Variants in NDC1 observed in about 807,000 individuals in gnomAD.
NDC1 encodes the protein nucleoporin NDC1.
A neutral mutation model predicts 89.8 loss-of-function variants in NDC1; 24 were observed. That is an observed-to-expected ratio of 0.27 (90% confidence interval 0.19 to 0.38). The LOEUF is 0.38. NDC1 is among the 10% of genes least tolerant of loss of function. The probability of loss-of-function intolerance (pLI) is 1.00; values close to 1 mark genes in which losing one functional copy is unlikely to be tolerated. For missense variants in NDC1, 728 were observed against 797.6 expected, an observed-to-expected ratio of 0.91 and a Z score of 1.05; for synonymous variants, 296 against 284.8, an observed-to-expected ratio of 1.04 and a Z score of -0.39.
intron 1 of NDC1, 118 bp downstream of exon 1, chr1:53,838,087 G>T: frequency 1.1e-6 from 1 of 891,620 alleles, no homozygotes; most frequent in Non-Finnish European, 1.7e-6. Flanking sequence ...CCTTCCCCAC[G>T]CGTTCTCTCC....
intron 17 of NDC1, among the ~76,000 whole-genome samples, chr1:53,769,783 G>A (rs1647097108): frequency 6.6e-6 from 1 of 152,218 alleles, no homozygotes; most frequent in Admixed American, 6.5e-5. Context: ...CCAAGTGGGT[G>A]TGAGAATGTT....
intron 10 of NDC1, among the ~76,000 whole-genome samples, chr1:53,803,303 G>A (rs1477627707): frequency 3.9e-5 from 6 of 152,110 alleles, no homozygotes; most frequent in Admixed American, 1.3e-4. Context: ...CTAAGCTCAA[G>A]TAATCCACCC....
At chr1:53,822,081 C>G (rs977156426) in intron 5 of NDC1, among the ~76,000 whole-genome samples, 3 of 152,128 alleles carry the variant, frequency 2.0e-5, no homozygotes, top group Non-Finnish European at 4.4e-5. Flanking sequence ...GGCAATAGAA[C>G]TGGTTTTAGT....
At position 53,816,650 on chromosome 1, in the gene NDC1, A is replaced by AAC. The variant is rs1553149897; in HGVS notation, c.703+2320_703+2321insGT. ...TTGCATGGGGAAACAAAAAACAAAA[A>AAC]AAAAAAAAACAGCAAAGTAAGCAGA... is the stretch of plus-strand genomic sequence containing the variant. On this transcript the variant is annotated intron_variant, in intron 6 of 17. Transcript: ENST00000371429. Among the ~76,000 whole-genome samples, 225 of 151,922 alleles carry AAC rather than the reference A, an allele frequency of 1.5e-3. 1 individual carries two copies. The highest frequency in any genetic ancestry group is 5.3e-3 in the African/African-American group (219 of 41,440).
chr1:53,820,662 C>G (rs1427732313), intron 5 of NDC1, among the ~76,000 whole-genome samples: 1 of 144,038 alleles, frequency 6.9e-6, no homozygotes, highest in Non-Finnish European at 1.5e-5. Flanking sequence ...TAGAAGGAAT[C>G]TAAGGAAAAA....
At position 53,772,661 on chromosome 1, in the gene NDC1, AATAACATAACATAAC is replaced by A. The variant is rs369123839; in HGVS notation, c.1801-187_1801-173del. Among the ~76,000 whole-genome samples, 586 of 137,842 alleles carry A rather than the reference AATAACATAACATAAC, an allele frequency of 4.3e-3. 4 individuals are homozygous for A. Among genetic ancestry groups the A allele is most frequent in the South Asian group, 4.3e-3 (18 of 4,150 alleles). The allele number at this position is 137,842 out of a possible 152,430, so 90.4% of individuals were successfully genotyped here. The stretch of plus-strand genomic sequence containing the variant: ...CTGGGCGACAGAGATCCTGTCTCAA[AATAACATAACATAAC>A]ATAACATAACATAACATAACATAAC... On this transcript the variant is annotated intron_variant, in intron 16 of 17. Coordinates refer to ENST00000371429, the MANE Select transcript of NDC1 (RefSeq NM_018087.5).
At chr1:53,806,390 A>G (rs1181146) in intron 9 of NDC1, 35 bp downstream of exon 9, 3 of 1,361,354 alleles carry the variant, frequency 2.2e-6, no homozygotes, top group Non-Finnish European at 3.0e-6. Flanking sequence ...AAGTTAGAGA[A>G]AACTGTGTGA....
chr1:53,796,354 A>G (rs753937481), intron 13 of NDC1, among the ~76,000 whole-genome samples: 4 of 152,174 alleles, frequency 2.6e-5, no homozygotes, highest in Non-Finnish European at 4.4e-5. Flanking sequence ...AGAATATAAT[A>G]CATTTGCTTA....
At chr1:53,805,387 G>A (rs1648065356) in intron 9 of NDC1, among the ~76,000 whole-genome samples, 1 of 152,098 alleles carries the variant, frequency 6.6e-6, no homozygotes. Flanking sequence ...TTAAATTTTT[G>A]TTGAGATGAG....
intron 7 of NDC1, among the ~76,000 whole-genome samples, chr1:53,809,041 AC>A (rs1334376937): frequency 6.6e-6 from 1 of 152,228 alleles, no homozygotes; most frequent in Non-Finnish European, 1.5e-5. Context: ...GATTACTACA[AC>A]AATATACAAC....
chr1:53,820,018 C>T (rs1388658020), intron 5 of NDC1, among the ~76,000 whole-genome samples: 1 of 151,958 alleles, frequency 6.6e-6, no homozygotes, highest in African/African-American at 2.4e-5. Context: ...CTTTGGGAGG[C>T]CTGAGGCAGG....
chr1:53,787,082 T>G (rs1167618789), intron 16 of NDC1, 76 bp downstream of exon 16: 6 of 699,286 alleles, frequency 8.6e-6, no homozygotes, highest in African/African-American at 1.8e-5. Flanking sequence ...ATAAATGTGA[T>G]ATATAGGAAA....
At chr1:53,789,238 C>G in intron 14 of NDC1, 42 bp from the exon 15 acceptor site, 1 of 1,273,404 alleles carries the variant, frequency 7.9e-7, no homozygotes, top group Non-Finnish European at 1.1e-6. Flanking sequence ...TTCCCCTGAG[C>G]AAAAACTCCA....
At chr1:53,775,501 C>T (rs1047092538) in intron 16 of NDC1, among the ~76,000 whole-genome samples, 10 of 151,996 alleles carry the variant, frequency 6.6e-5, no homozygotes, top group Non-Finnish European at 1.3e-4. Flanking sequence ...TCAAGTGATC[C>T]GCCCGCCTCA....
chr1:53,778,002 CT>C (rs887678441), intron 16 of NDC1, among the ~76,000 whole-genome samples: 35 of 146,802 alleles, frequency 2.4e-4, no homozygotes, highest in Admixed American at 2.7e-4. Context: ...CCCGGAGAAT[CT>C]TTTTTTTTTT....
At chr1:53,838,168 C>T in intron 1 of NDC1, 37 bp downstream of exon 1, 1 of 1,525,354 alleles carries the variant, frequency 6.6e-7, no homozygotes, top group Non-Finnish European at 8.8e-7. Flanking sequence ...CCCGGCCCGA[C>T]CCTGGCAGTG....
chr1:53,793,161 T>C (rs1647578223), intron 14 of NDC1, 68 bp downstream of exon 14: 5 of 1,313,502 alleles, frequency 3.8e-6, no homozygotes, highest in Non-Finnish European at 5.5e-6. Flanking sequence ...TCAGATCCTA[T>C]CTGCTACTTT....
chr1:53,799,667 T>C (rs1017402846), intron 11 of NDC1, among the ~76,000 whole-genome samples: 2 of 152,164 alleles, frequency 1.3e-5, no homozygotes, highest in African/African-American at 4.8e-5. Context: ...AAGTCCCATA[T>C]GGGAACAATG....
intron 6 of NDC1, among the ~76,000 whole-genome samples, chr1:53,813,745 A>C (rs1648388072): frequency 6.6e-6 from 1 of 152,186 alleles, no homozygotes; most frequent in Non-Finnish European, 1.5e-5. Context: ...ACAAAAAAAC[A>C]ATGGATTTAA....
Sources: gnomAD v4.1 joint callset for allele counts (sites outside exome capture counted in the v4.1 genomes callset) on GRCh38, gnomAD v4.1.1 for gene constraint, MANE v1.5 for transcripts, NCBI Gene and HGNC (gene_info 2026-07-23, HGNC 2026-07-21) for gene names.